The following GRIK4 variants were observed in gnomAD, a reference collection of about 807,000 sequenced individuals.
The protein encoded by GRIK4 is glutamate receptor ionotropic, kainate 4.
GRIK4 carries 40 observed loss-of-function variants against 104.9 expected under a neutral mutation model. The observed-to-expected ratio is 0.38, with a 90% CI of 0.30 to 0.50. The LOEUF (loss-of-function observed/expected upper bound fraction) is 0.50. Among genes scored for constraint, GRIK4 ranks in the 20% least tolerant of loss-of-function variants. The pLI, the probability that GRIK4 is intolerant of heterozygous loss-of-function variation, is 0.93. For missense variants in GRIK4, 1,047 were observed against 1,308.1 expected (o/e 0.80, Z 3.08); for synonymous variants, 485 against 524.9 (o/e 0.92, Z 1.04).
At chr11:120,963,421 T>C (rs377173061) in intron 18 of GRIK4, among the ~76,000 whole-genome samples, 2 of 152,236 alleles carry the variant, frequency 1.3e-5, no homozygotes, top group African/African-American at 2.4e-5. Flanking sequence ...GGAGAGAACA[T>C]GTTTAGCTGC....
At chr11:120,877,154 G>A (rs1290990878) in intron 11 of GRIK4, among the ~76,000 whole-genome samples, 1 of 152,250 alleles carries the variant, frequency 6.6e-6, no homozygotes, top group Non-Finnish European at 1.5e-5. Flanking sequence ...TGCATTGTCT[G>A]TAAGCAATAA....
At chr11:120,747,242 A>C (rs1171532088) in intron 3 of GRIK4, among the ~76,000 whole-genome samples, 3 of 152,212 alleles carry the variant, frequency 2.0e-5, no homozygotes, top group Non-Finnish European at 4.4e-5. Context: ...GAGTGAGCAG[A>C]AGGCTCTTCC....
rs986533752 is a variant in GRIK4 at position 120,987,223 on chromosome 11, G to A, written c.*963G>A. On this transcript the variant is annotated 3_prime_UTR_variant, in exon 21 of 21. Transcript: ENST00000527524. ...TAGGACTTTGTTTAAGGAGCGGAAA[G>A]AGCAGATAGAATTTTCCCATACCAT... 2.0e-5 allele frequency: 3 copies of A among 152,272 alleles called. No homozygotes were observed. The highest frequency in any genetic ancestry group is 6.5e-5 in the Admixed American group (1 of 15,290). 9.4% of individuals were successfully genotyped at this position (152,272 alleles called of 1,614,324 possible). A position where few individuals can be genotyped will look rare whatever the true frequency, so the allele number is the denominator to read the frequency against.
At chr11:120,669,176 T>C (rs1949972130) in intron 3 of GRIK4, among the ~76,000 whole-genome samples, 1 of 151,540 alleles carries the variant, frequency 6.6e-6, no homozygotes, top group Non-Finnish European at 1.5e-5. Flanking sequence ...CACACACTCA[T>C]GTGTGGGTGG....
At position 120,685,485 on chromosome 11, in the gene GRIK4, G is replaced by A. The variant is rs148464372; in HGVS notation, c.82+25085G>A. ...ATTGGTGGGACTAGGATGGGACTTG[G>A]AAGTTAATATTTTTAATAGGTACCC... On this transcript the variant is annotated intron_variant, in intron 3 of 20. Coordinates refer to ENST00000527524, the MANE Select transcript of GRIK4 (RefSeq NM_014619.5). Among the ~76,000 whole-genome samples, 632 of 152,274 alleles carry A rather than the reference G, an allele frequency of 4.2e-3. 2 individuals are homozygous for A. The highest frequency in any genetic ancestry group is 7.5e-3 in the Non-Finnish European group (507 of 68,030).
chr11:120,750,422 AG>A (rs1306590188), intron 3 of GRIK4, among the ~76,000 whole-genome samples: 1 of 131,602 alleles, frequency 7.6e-6, no homozygotes, highest in Admixed American at 9.4e-5. Context: ...GCTGGAGTGC[AG>A]TGGTGTGATC....
intron 3 of GRIK4, among the ~76,000 whole-genome samples, chr11:120,749,200 T>C (rs3132779): frequency 0.12 from 17,707 of 151,840 alleles, 1,257 homozygotes; most frequent in South Asian, 0.24. Flanking sequence ...CCCCACCCCA[T>C]CCCACTCCCA....
intron 18 of GRIK4, chr11:120,962,922 T>G (rs1383375559): frequency 4.8e-6 from 2 of 414,082 alleles, no homozygotes; most frequent in African/African-American, 2.0e-5. Context: ...AGTTACTGAT[T>G]GATTAATTGA....
At chr11:120,706,090 C>T (rs1950624950) in intron 3 of GRIK4, among the ~76,000 whole-genome samples, 1 of 152,158 alleles carries the variant, frequency 6.6e-6, no homozygotes, top group Non-Finnish European at 1.5e-5. Flanking sequence ...TGGACAGCCA[C>T]CATGACCAAG....
chr11:120,740,018 G>A lies in GRIK4; in HGVS notation c.83-62675G>A, dbSNP rs534929985. Among the ~76,000 whole-genome samples the A allele has an allele frequency of 1.3e-5, 2 of 152,344 alleles. 1 individual carries two copies. The highest frequency in any genetic ancestry group is 4.1e-4 in the South Asian group (2 of 4,826). ...GCAGCCCATCTGGTGGCCAAAGGCT[G>A]TGTTTGGGAAACACAGATGGCTGGT... On this transcript the variant is annotated intron_variant, in intron 3 of 20. Transcript: ENST00000527524.
intron 1 of GRIK4, among the ~76,000 whole-genome samples, chr11:120,580,549 G>A (rs930287995): frequency 6.7e-6 from 1 of 150,044 alleles, no homozygotes; most frequent in Non-Finnish European, 1.5e-5. Context: ...TTACAGGTGT[G>A]AGCCACCATG....
intron 8 of GRIK4, among the ~76,000 whole-genome samples, chr11:120,850,308 G>A (rs1191604679): frequency 6.6e-6 from 1 of 152,120 alleles, no homozygotes; most frequent in Non-Finnish European, 1.5e-5. Flanking sequence ...TGGGGAGTGT[G>A]TGTGTGTGTT....
At chr11:120,615,050 C>T (rs1949092342) in intron 1 of GRIK4, among the ~76,000 whole-genome samples, 1 of 152,112 alleles carries the variant, frequency 6.6e-6, no homozygotes, top group South Asian at 2.1e-4. Flanking sequence ...AAACCGTAAG[C>T]AAATATGCAT....
At chr11:120,925,991 GA>G (rs963666021) in intron 13 of GRIK4, among the ~76,000 whole-genome samples, 1 of 149,756 alleles carries the variant, frequency 6.7e-6, no homozygotes, top group Non-Finnish European at 1.5e-5. Context: ...AAAAAAGAAA[GA>G]AAAAAAAGAA....
intron 4 of GRIK4, among the ~76,000 whole-genome samples, chr11:120,814,360 GAGGCCAAGGC>G (rs1183895571): frequency 6.6e-6 from 1 of 152,174 alleles, no homozygotes; most frequent in Non-Finnish European, 1.5e-5. Context: ...AGCACTTCGG[GAGGCCAAGGC>G]AGGTGGATCA....
intron 1 of GRIK4, among the ~76,000 whole-genome samples, chr11:120,579,228 C>T (rs564221822): frequency 6.6e-6 from 1 of 151,860 alleles, no homozygotes; most frequent in Non-Finnish European, 1.5e-5. Context: ...CAAAATAACC[C>T]CCCCCCCTTT....
At chr11:120,634,734 G>A (rs1479239848) in intron 1 of GRIK4, among the ~76,000 whole-genome samples, 3 of 152,142 alleles carry the variant, frequency 2.0e-5, no homozygotes, top group Admixed American at 6.5e-5. Context: ...GACAGTGGGA[G>A]GTTCCTTGTG....
intron 8 of GRIK4, among the ~76,000 whole-genome samples, chr11:120,850,113 C>T (rs1315022677): frequency 6.6e-6 from 1 of 152,224 alleles, no homozygotes; most frequent in East Asian, 1.9e-4. Context: ...GGGAACCTCC[C>T]TGTAGTCCAG....
chr11:120,896,896 C>T (rs566818338), intron 11 of GRIK4, among the ~76,000 whole-genome samples: 4 of 152,170 alleles, frequency 2.6e-5, no homozygotes, highest in Non-Finnish European at 4.4e-5. Context: ...TTTAGCCAGT[C>T]GTCTCTCCTG....
Sources: gnomAD v4.1 joint callset for allele counts (sites outside exome capture counted in the v4.1 genomes callset) on GRCh38, gnomAD v4.1.1 for gene constraint, MANE v1.5 for transcripts, NCBI Gene and HGNC (gene_info 2026-07-23, HGNC 2026-07-21) for gene names.